Variants in COMMD1 observed in about 807,000 individuals in gnomAD.
COMMD1 encodes the protein copper metabolism domain containing 1.
In COMMD1, 10 loss-of-function variants were observed where a neutral mutation model predicts 17.2. The observed-to-expected ratio is 0.58, with a 90% CI of 0.36 to 0.99. The LOEUF (loss-of-function observed/expected upper bound fraction) is 0.99. Among genes scored for constraint, COMMD1 ranks in the 50% least tolerant of loss-of-function variants. The pLI is 0.01. For missense variants in COMMD1, 270 were observed against 231.8 expected (o/e 1.17, Z -1.07); for synonymous variants, 97 against 91.6 (o/e 1.06, Z -0.34).
At chr2:62,067,618 A>G (rs1257845095) in intron 2 of COMMD1, among the ~76,000 whole-genome samples, 1 of 152,212 alleles carries the variant, frequency 6.6e-6, no homozygotes, top group Non-Finnish European at 1.5e-5. Context: ...TTTTATGCCT[A>G]GTTTTGATGA....
chr2:61,891,210 G>A (rs947815729), intron 1 of COMMD1, among the ~76,000 whole-genome samples: 2 of 152,188 alleles, frequency 1.3e-5, no homozygotes, highest in African/African-American at 4.8e-5. Context: ...CAGCCATAAA[G>A]GACAGAGCAG....
intron 2 of COMMD1, among the ~76,000 whole-genome samples, chr2:62,063,155 T>TC (rs1670917591): frequency 6.6e-6 from 1 of 152,030 alleles, no homozygotes; most frequent in Admixed American, 6.5e-5. Context: ...AGGCGGAGAT[T>TC]GCAGTGAGCC....
chr2:61,986,079 A>G (rs530967584), intron 1 of COMMD1, among the ~76,000 whole-genome samples: 1 of 152,130 alleles, frequency 6.6e-6, no homozygotes, highest in Admixed American at 6.5e-5. Context: ...GAAATCCCAC[A>G]GCTTTTGATT....
intron 2 of COMMD1, among the ~76,000 whole-genome samples, chr2:62,012,151 G>T (rs888417709): frequency 6.6e-6 from 1 of 151,702 alleles, no homozygotes; most frequent in Non-Finnish European, 1.5e-5. Flanking sequence ...CAGCTGCTTG[G>T]GAGGCTGAGG....
chr2:62,080,534 A>G (rs980620768), intron 2 of COMMD1, among the ~76,000 whole-genome samples: 8 of 146,764 alleles, frequency 5.5e-5, no homozygotes, highest in East Asian at 1.9e-4. Context: ...GCAGAGAAAC[A>G]GGAGTTCATA....
rs915986255 is a variant in COMMD1 at position 62,116,018 on chromosome 2, T to G, written c.463-19813T>G. ...TGAGGCACCACGCCCAGCTAATTTT[T>G]GTATTTTTTTGTAGAGATGGGGTTT... On this transcript the variant is annotated intron_variant, in intron 2 of 2. Coordinates refer to ENST00000311832, the MANE Select transcript of COMMD1 (RefSeq NM_152516.4). 3.3e-5 allele frequency among the ~76,000 whole-genome samples: 5 copies of G among 152,166 alleles called. No homozygotes were observed. In the South Asian group the frequency reaches 1.0e-3, roughly 32 times the overall value.
chr2:62,049,819 A>G (rs1670488708), intron 2 of COMMD1, among the ~76,000 whole-genome samples: 1 of 152,146 alleles, frequency 6.6e-6, no homozygotes, highest in Admixed American at 6.5e-5. Context: ...GGAGTGATTA[A>G]TGTAGTAGGG....
chr2:62,097,958 G>GC (rs1371236119), intron 2 of COMMD1, among the ~76,000 whole-genome samples: 1 of 152,026 alleles, frequency 6.6e-6, no homozygotes, highest in African/African-American at 2.4e-5. Flanking sequence ...GGGGCCCTTT[G>GC]CCCCCTTTGT....
intron 2 of COMMD1, among the ~76,000 whole-genome samples, chr2:62,034,923 A>G (rs934591348): frequency 6.6e-6 from 1 of 152,244 alleles, no homozygotes; most frequent in Non-Finnish European, 1.5e-5. Context: ...TACTTGCTTC[A>G]TCATCATCTT....
At chr2:61,999,819 G>C (rs991086040) in intron 1 of COMMD1, among the ~76,000 whole-genome samples, 1 of 152,036 alleles carries the variant, frequency 6.6e-6, no homozygotes, top group Admixed American at 6.6e-5. Flanking sequence ...ATACCGAATT[G>C]AGTGACATGG....
At chr2:62,032,873 C>T (rs776774489) in intron 2 of COMMD1, among the ~76,000 whole-genome samples, 2 of 152,118 alleles carry the variant, frequency 1.3e-5, no homozygotes, top group Non-Finnish European at 2.9e-5. Context: ...CAGGTTCAAG[C>T]GATTCTCCTG....
intron 1 of COMMD1, among the ~76,000 whole-genome samples, chr2:61,995,696 C>T (rs1043166771): frequency 6.6e-6 from 1 of 152,204 alleles, no homozygotes; most frequent in African/African-American, 2.4e-5. Context: ...GGAAACCTGG[C>T]TTAACTGTTG....
chr2:62,037,202 C>T (rs1448436361), intron 2 of COMMD1, among the ~76,000 whole-genome samples: 1 of 152,162 alleles, frequency 6.6e-6, no homozygotes, highest in Non-Finnish European at 1.5e-5. Context: ...TTGCCTGCCC[C>T]CTGCCTCATT....
At chr2:61,927,317 A>AT (rs1670352275) in intron 1 of COMMD1, among the ~76,000 whole-genome samples, 1 of 152,168 alleles carries the variant, frequency 6.6e-6, no homozygotes, top group African/African-American at 2.4e-5. Context: ...CTCTGTCCTC[A>AT]TTCTTTGGAA....
chr2:61,900,575 TGTG>T (rs1669636504), intron 1 of COMMD1, among the ~76,000 whole-genome samples: 1 of 152,224 alleles, frequency 6.6e-6, no homozygotes, highest in South Asian at 2.1e-4. Context: ...GCCAGTCAGT[TGTG>T]TCTAAACTCT....
chr2:62,054,270 T>C (rs942477212), intron 2 of COMMD1, among the ~76,000 whole-genome samples: 1 of 152,158 alleles, frequency 6.6e-6, no homozygotes, highest in African/African-American at 2.4e-5. Context: ...TTGGAGATAA[T>C]GCCAAGATAG....
At chr2:62,046,821 G>C (rs1197656361) in intron 2 of COMMD1, among the ~76,000 whole-genome samples, 1 of 152,210 alleles carries the variant, frequency 6.6e-6, no homozygotes, top group Non-Finnish European at 1.5e-5. Context: ...CAGCATTGGA[G>C]TAGGTGAACT....
At chr2:61,969,324 G>A (rs541663974) in intron 1 of COMMD1, among the ~76,000 whole-genome samples, 1 of 151,562 alleles carries the variant, frequency 6.6e-6, no homozygotes, top group Non-Finnish European at 1.5e-5. Context: ...TATATTTTTC[G>A]AGGAAGAAAT....
At chr2:62,125,861 A>G (rs1672871962) in intron 2 of COMMD1, among the ~76,000 whole-genome samples, 1 of 152,224 alleles carries the variant, frequency 6.6e-6, no homozygotes, top group Admixed American at 6.5e-5. Context: ...TACCTATCAA[A>G]CCATCACCTA....
Sources: gnomAD v4.1 joint callset for allele counts (sites outside exome capture counted in the v4.1 genomes callset) on GRCh38, gnomAD v4.1.1 for gene constraint, MANE v1.5 for transcripts, NCBI Gene and HGNC (gene_info 2026-07-23, HGNC 2026-07-21) for gene names.